Variants in DRC12 observed in about 807,000 individuals in gnomAD.
DRC12 encodes dynein regulatory complex protein 12.
At chr11:119,194,470 C>T in the DRC12 span, among the ~76,000 whole-genome samples, 1 of 133,848 alleles carries the variant, frequency 7.5e-6, no homozygotes, top group African/African-American at 2.8e-5. Flanking sequence ...GCCGAGATCA[C>T]ACCACTGCAC....
chr11:119,192,883 T>C, the DRC12 span, among the ~76,000 whole-genome samples: 3 of 152,100 alleles, frequency 2.0e-5, no homozygotes, highest in Non-Finnish European at 2.9e-5. Context: ...TGACCTCAGG[T>C]GATCCGCCCG....
At chr11:119,194,475 C>CCCACCTCCACCCACCA in the DRC12 span, among the ~76,000 whole-genome samples, 1 of 132,476 alleles carries the variant, frequency 7.5e-6, no homozygotes, top group African/African-American at 2.9e-5. Flanking sequence ...GATCACACCA[C>CCCACCTCCACCCACCA]TGCACTCCAG....
the DRC12 span, chr11:119,193,633 T>C: frequency 1.4e-6 from 2 of 1,460,980 alleles, no homozygotes; most frequent in South Asian, 1.4e-5. Context: ...TGATTTGTAC[T>C]GTTTGGGAAA....
chr11:119,192,045 G>A, the DRC12 span, among the ~76,000 whole-genome samples: 282 of 150,924 alleles, frequency 1.9e-3, no homozygotes, highest in African/African-American at 6.3e-3. Context: ...GTGCGATCTC[G>A]GCTCACTGCA....
At chr11:119,193,117 G>A in the DRC12 span, 1,628 of 1,573,784 alleles carry the variant, frequency 1.0e-3, 13 homozygotes, top group African/African-American at 0.012. Context: ...TGCAACTCTT[G>A]GAGAGAAGGG....
chr11:119,193,435 C>T, the DRC12 span: 2 of 899,884 alleles, frequency 2.2e-6, no homozygotes, highest in Non-Finnish European at 3.3e-6. Flanking sequence ...GAAGCCCGAC[C>T]TACCTCCCCC....
chr11:119,190,332 CA>C, the DRC12 span: 38 of 1,614,136 alleles, frequency 2.4e-5, no homozygotes, highest in South Asian at 5.5e-5. The surrounding 1 kb of genome is among the most constrained non-coding windows in gnomAD (Gnocchi z 4.2). Context: ...CTCAAAGATC[CA>C]GGGGGGGTGA....
the DRC12 span, among the ~76,000 whole-genome samples, chr11:119,191,005 T>C: frequency 6.6e-6 from 1 of 152,154 alleles, no homozygotes; most frequent in South Asian, 2.1e-4. Context: ...CACTGAGGTA[T>C]ATAGCAGAGA....
the DRC12 span, chr11:119,190,487 A>C: frequency 1.2e-6 from 2 of 1,612,816 alleles, no homozygotes; most frequent in Non-Finnish European, 1.7e-6. This position sits in a 1 kb window ranked among gnomAD's most constrained non-coding sequence, Gnocchi z 4.2. Context: ...CCAGAAAGAG[A>C]GAGAGGGAAG....
the DRC12 span, among the ~76,000 whole-genome samples, chr11:119,192,538 C>G: frequency 1.3e-5 from 2 of 152,152 alleles, no homozygotes; most frequent in African/African-American, 4.8e-5. Flanking sequence ...TAGAAATCAG[C>G]TAAACTAAAA....
chr11:119,190,945 C>A, the DRC12 span: 3 of 1,375,100 alleles, frequency 2.2e-6, no homozygotes, highest in East Asian at 4.7e-5. This position sits in a 1 kb window ranked among gnomAD's most constrained non-coding sequence, Gnocchi z 4.2. Flanking sequence ...TCGTTCCAGA[C>A]TCCCCCAGCA....
At chr11:119,193,118 G>C in the DRC12 span, 2 of 1,580,742 alleles carry the variant, frequency 1.3e-6, no homozygotes, top group South Asian at 1.1e-5. Context: ...GCAACTCTTG[G>C]AGAGAAGGGG....
At chr11:119,192,635 ATCT>A in the DRC12 span, among the ~76,000 whole-genome samples, 1 of 151,822 alleles carries the variant, frequency 6.6e-6, no homozygotes, top group East Asian at 1.9e-4. Context: ...TGAGGCCTAC[ATCT>A]TCTTTTTTAT....
the DRC12 span, chr11:119,190,844 G>A: frequency 1.9e-6 from 3 of 1,610,222 alleles, no homozygotes; most frequent in Non-Finnish European, 2.5e-6. The surrounding 1 kb of genome is among the most constrained non-coding windows in gnomAD (Gnocchi z 4.2). Context: ...CATGCCTCTG[G>A]GGGCAGGCAG....
chr11:119,191,489 A>G, the DRC12 span, among the ~76,000 whole-genome samples: 2 of 151,922 alleles, frequency 1.3e-5, no homozygotes, highest in Non-Finnish European at 2.9e-5. Flanking sequence ...GCACCTAGCT[A>G]GTATACAGGA....
the DRC12 span, chr11:119,193,993 C>T: frequency 9.1e-6 from 10 of 1,094,650 alleles, no homozygotes; most frequent in South Asian, 1.5e-4. Context: ...GGTGGGGTGT[C>T]CAGCCTCTTA....
At chr11:119,194,540 A>AAAAAG in the DRC12 span, among the ~76,000 whole-genome samples, 1 of 140,872 alleles carries the variant, frequency 7.1e-6, no homozygotes, top group Non-Finnish European at 1.5e-5. Flanking sequence ...AAAAAAAAAA[A>AAAAAG]AAAAATAAAT....
the DRC12 span, chr11:119,195,784 A>C: frequency 6.4e-6 from 2 of 310,404 alleles, no homozygotes; most frequent in Non-Finnish European, 6.0e-6. Context: ...ATCATCCTCA[A>C]CCCTCACTTC....
chr11:119,194,515 C>CAAAAAAAAAAAAAAAAA, the DRC12 span, among the ~76,000 whole-genome samples: 2 of 27,492 alleles, frequency 7.3e-5, no homozygotes, highest in Non-Finnish European at 1.1e-4. Flanking sequence ...GACTCTGTCT[C>CAAAAAAAAAAAAAAAAA]AAAAAAAAAA....
Sources: allele counts gnomAD v4.1 joint callset (sites outside exome capture counted in the v4.1 genomes callset), GRCh38; gene constraint gnomAD v4.1.1; non-coding constraint Gnocchi (gnomAD v3.1); transcripts MANE v1.5; gene names NCBI Gene and HGNC (gene_info 2026-07-23, HGNC 2026-07-21).